Variants in SNTG2 observed in about 807,000 individuals in gnomAD.
The protein encoded by SNTG2 is gamma-2-syntrophin.
SNTG2 carries 74 observed loss-of-function variants against 70.9 expected under a neutral mutation model. That is an observed-to-expected ratio of 1.04 (90% CI 0.86 to 1.27). The LOEUF (loss-of-function observed/expected upper bound fraction) is 1.27, where lower values mean the gene tolerates loss of function less well. SNTG2 is among the 50% of genes most tolerant of loss of function. The probability of loss-of-function intolerance (pLI) is 0.00; values close to 1 mark genes in which losing one functional copy is unlikely to be tolerated. For synonymous variants in SNTG2, 278 were observed against 273.8 expected (o/e 1.02, Z -0.15); for missense variants, 717 against 690.7 (o/e 1.04, Z -0.43).
chr2:964,606 T>C (rs1171924292), intron 1 of SNTG2, among the ~76,000 whole-genome samples: 1 of 152,166 alleles, frequency 6.6e-6, no homozygotes, highest in Non-Finnish European at 1.5e-5. Flanking sequence ...TGGTTGATCC[T>C]ACAAGGAGTT....
At chr2:1,341,159 G>A (rs1176568712) in intron 16 of SNTG2, 1 of 152,168 alleles carries the variant, frequency 6.6e-6, no homozygotes, top group Admixed American at 6.5e-5. Context: ...GCTCACAGGA[G>A]TTTCCAGATG....
chr2:960,349 TTCTCCTTTGTTC>T (rs1007319874), intron 1 of SNTG2, among the ~76,000 whole-genome samples: 4 of 152,222 alleles, frequency 2.6e-5, no homozygotes, highest in Non-Finnish European at 5.9e-5. Flanking sequence ...GGGCTGCCTG[TTCTCCTTTGTTC>T]TCTCCTTTGT....
chr2:1,194,723 A>C (rs1449753621), intron 8 of SNTG2, among the ~76,000 whole-genome samples: 2 of 152,112 alleles, frequency 1.3e-5, no homozygotes, highest in African/African-American at 4.8e-5. Context: ...TCTGCTGATC[A>C]GGCTTATTTA....
At chr2:1,153,820 C>A (rs1006263364) in intron 6 of SNTG2, among the ~76,000 whole-genome samples, 1 of 152,182 alleles carries the variant, frequency 6.6e-6, no homozygotes, top group Non-Finnish European at 1.5e-5. Context: ...TTCCTAACTT[C>A]GAACAAAAAT....
At chr2:991,638 A>G (rs1371783089) in intron 1 of SNTG2, among the ~76,000 whole-genome samples, 1 of 152,114 alleles carries the variant, frequency 6.6e-6, no homozygotes, top group African/African-American at 2.4e-5. Context: ...GCTTGATGCT[A>G]CTTGGAAAAT....
At chr2:1,261,515 G>C (rs1224166009) in intron 13 of SNTG2, among the ~76,000 whole-genome samples, 1 of 152,116 alleles carries the variant, frequency 6.6e-6, no homozygotes, top group Non-Finnish European at 1.5e-5. Context: ...AAATAGATGA[G>C]AAAATTGCAC....
At chr2:1,091,132 CATCTGTGACTA>C (rs1407950075) in intron 2 of SNTG2, among the ~76,000 whole-genome samples, 4 of 152,110 alleles carry the variant, frequency 2.6e-5, no homozygotes, top group Admixed American at 2.6e-4. Flanking sequence ...GGCCCATTCG[CATCTGTGACTA>C]ATCTTGGTGG....
At chr2:1,198,522 A>G (rs1419284334) in intron 8 of SNTG2, among the ~76,000 whole-genome samples, 2 of 152,078 alleles carry the variant, frequency 1.3e-5, no homozygotes, top group Non-Finnish European at 2.9e-5. Context: ...TGGGAAAACA[A>G]GAACAAACTA....
chr2:1,076,822 AAAT>A (rs1663947377), intron 1 of SNTG2, among the ~76,000 whole-genome samples: 1 of 152,252 alleles, frequency 6.6e-6, no homozygotes, highest in Non-Finnish European at 1.5e-5. Context: ...TCATAGATTT[AAAT>A]AATCAATAAT....
At chr2:1,266,582 C>T (rs1216976352) in intron 13 of SNTG2, among the ~76,000 whole-genome samples, 4 of 151,894 alleles carry the variant, frequency 2.6e-5, no homozygotes, top group Non-Finnish European at 5.9e-5. Flanking sequence ...TTTGGGCACT[C>T]GGTCCTTTAT....
intron 4 of SNTG2, chr2:1,103,350 C>T: frequency 3.7e-6 from 1 of 269,510 alleles, no homozygotes; most frequent in Non-Finnish European, 7.6e-6. Context: ...AATTCATTAA[C>T]CTTTCAAATA....
chr2:1,217,454 C>T (rs1674467149), intron 9 of SNTG2, among the ~76,000 whole-genome samples: 2 of 152,072 alleles, frequency 1.3e-5, no homozygotes, highest in Non-Finnish European at 2.9e-5. Context: ...TGAGATGAAA[C>T]TAAAAAAGAC....
chr2:1,056,313 G>GAGATCGGAAGAGCACACGTCT (rs555868085), intron 1 of SNTG2, among the ~76,000 whole-genome samples: 1 of 35,342 alleles, frequency 2.8e-5, no homozygotes, highest in Admixed American at 2.7e-4. Flanking sequence ...GGGAGGGAGA[G>GAGATCGGAAGAGCACACGTCT]GCCGCGCCGT....
At chr2:1,045,099 T>A (rs1193552917) in intron 1 of SNTG2, among the ~76,000 whole-genome samples, 2 of 152,134 alleles carry the variant, frequency 1.3e-5, no homozygotes, top group African/African-American at 4.8e-5. Flanking sequence ...AGGGTTTCAG[T>A]TTCTTCCTGG....
intron 16 of SNTG2, among the ~76,000 whole-genome samples, chr2:1,365,444 A>G (rs55648004): frequency 0.72 from 109,760 of 152,098 alleles, 39,907 homozygotes; most frequent in East Asian, 0.94. Flanking sequence ...TAAAGGAAAG[A>G]TGAAGCCTTT....
chr2:1,285,583 AAG>A (rs1461756080), intron 14 of SNTG2, among the ~76,000 whole-genome samples: 1 of 152,248 alleles, frequency 6.6e-6, no homozygotes, highest in Admixed American at 6.5e-5. Context: ...ATAAAGGAAA[AAG>A]AAATAAAATG....
chr2:1,350,881 A>G (rs1660538535), intron 16 of SNTG2, among the ~76,000 whole-genome samples: 1 of 152,106 alleles, frequency 6.6e-6, no homozygotes, highest in African/African-American at 2.4e-5. Flanking sequence ...ACTTGAATTG[A>G]TGCCTGATTT....
intron 1 of SNTG2, among the ~76,000 whole-genome samples, chr2:1,003,053 G>A (rs1659456685): frequency 6.6e-6 from 1 of 152,116 alleles, no homozygotes; most frequent in Non-Finnish European, 1.5e-5. Context: ...GCTGAATAAA[G>A]TGTACACACA....
intron 4 of SNTG2, among the ~76,000 whole-genome samples, chr2:1,136,557 T>G (rs1668399660): frequency 1.3e-5 from 2 of 152,188 alleles, no homozygotes; most frequent in East Asian, 3.8e-4. Context: ...TGATTTAATA[T>G]TTGCTAAACA....
Sources: allele counts gnomAD v4.1 joint callset (sites outside exome capture counted in the v4.1 genomes callset), GRCh38; gene constraint gnomAD v4.1.1; transcripts MANE v1.5; gene names NCBI Gene and HGNC (gene_info 2026-07-23, HGNC 2026-07-21).